Variants in RBFOX1 observed in about 807,000 individuals in gnomAD.
RBFOX1 encodes RNA binding protein fox-1 homolog 1.
Under a neutral mutation model 57.7 loss-of-function variants are expected in RBFOX1, and 8 were observed. The ratio of observed to expected loss-of-function variants is 0.14; its 90% CI spans 0.08 to 0.25. The LOEUF is 0.25. RBFOX1 is among the 10% of genes least tolerant of loss of function. The probability of loss-of-function intolerance (pLI) is 1.00; values close to 1 mark genes in which losing one functional copy is unlikely to be tolerated. For missense variants in RBFOX1, 611 were observed against 548.5 expected, an observed-to-expected ratio of 1.11 and a Z score of -1.14; for synonymous variants, 326 against 222.4, an observed-to-expected ratio of 1.47 and a Z score of -4.15.
At chr16:6,184,473 C>T (rs2097091992) in intron 1 of RBFOX1, among the ~76,000 whole-genome samples, 1 of 152,076 alleles carries the variant, frequency 6.6e-6, no homozygotes, top group Non-Finnish European at 1.5e-5. Flanking sequence ...ATTTCCAAAG[C>T]AAAGACTATA....
intron 3 of RBFOX1, among the ~76,000 whole-genome samples, chr16:6,988,761 T>TG (rs1380485971): frequency 2.0e-5 from 3 of 149,314 alleles, no homozygotes; most frequent in Admixed American, 6.7e-5. Flanking sequence ...GTTTTTTGTT[T>TG]TTTGTTTTTT....
At chr16:5,840,491 A>G (rs2056592373) in intron 3 of RBFOX1, among the ~76,000 whole-genome samples, 1 of 152,034 alleles carries the variant, frequency 6.6e-6, no homozygotes, top group Admixed American at 6.6e-5. Context: ...CTGGCTCTAC[A>G]CCTCTCCTGT....
At chr16:5,380,199 C>G (rs957167301) in intron 1 of RBFOX1, among the ~76,000 whole-genome samples, 1 of 152,222 alleles carries the variant, frequency 6.6e-6, no homozygotes, top group African/African-American at 2.4e-5. Flanking sequence ...CCTGGCTGCT[C>G]AGCTTCCTCC....
chr16:6,543,156 C>G (rs779818425), intron 2 of RBFOX1, among the ~76,000 whole-genome samples: 2 of 152,276 alleles, frequency 1.3e-5, no homozygotes, highest in Non-Finnish European at 1.5e-5. Context: ...CATTTGTACC[C>G]CATCCCTTAG....
rs552457182 is a variant in RBFOX1, at chr16:5,747,431, G to A, written c.319-119872G>A. Among the ~76,000 whole-genome samples, 577 of 152,216 alleles carry A rather than the reference G, an allele frequency of 3.8e-3. 3 individuals are homozygous for A. Among genetic ancestry groups the A allele is most frequent in the African/African-American group, 6.9e-3 (287 of 41,534 alleles). On this transcript the variant is annotated intron_variant, in intron 3 of 19. Coordinates refer to the RBFOX1 transcript ENST00000641259. ...GTTAGGGAGGATTCCCTCTTTTTCT[G>A]TTGATTGGACTAGTTTCGGAAGGAA...
chr16:6,461,112 G>C (rs1047713780), intron 2 of RBFOX1, among the ~76,000 whole-genome samples: 4 of 152,130 alleles, frequency 2.6e-5, no homozygotes, highest in African/African-American at 9.7e-5. Flanking sequence ...GGGAGAGGGT[G>C]GGGGGAAGAA....
intron 1 of RBFOX1, among the ~76,000 whole-genome samples, chr16:6,021,526 A>G (rs1355252852): frequency 6.6e-6 from 1 of 152,282 alleles, no homozygotes; most frequent in East Asian, 1.9e-4. Context: ...TGCTGGTAAA[A>G]AGTGGGGCTG....
intron 6 of RBFOX1, among the ~76,000 whole-genome samples, chr16:7,581,816 T>A (rs766581318): frequency 2.0e-5 from 3 of 151,998 alleles, no homozygotes; most frequent in Admixed American, 6.6e-5. Context: ...GCTCAAGGGA[T>A]CCTCCCACCT....
At chr16:7,659,000 C>G (rs1018306021) in intron 12 of RBFOX1, among the ~76,000 whole-genome samples, 5 of 152,216 alleles carry the variant, frequency 3.3e-5, no homozygotes, top group African/African-American at 1.2e-4. Context: ...GCTGGGATTA[C>G]AGGCATGTGC....
chr16:6,274,689 T>C (rs898723014), intron 1 of RBFOX1, among the ~76,000 whole-genome samples: 1 of 152,198 alleles, frequency 6.6e-6, no homozygotes, highest in African/African-American at 2.4e-5. Context: ...TGGGAGGAAC[T>C]AGGTAACTAC....
chr16:7,580,236 G>A lies in RBFOX1; in HGVS notation c.414+316G>A, dbSNP rs140201004. ...CCTATTGATGGTCCTAAATCCAATG[G>A]CCCAGGACATCATACTGCAGCAAAA... On this transcript the variant is annotated intron_variant, in intron 6 of 15. Transcript: ENST00000550418. Among the ~76,000 whole-genome samples, 40 of 152,126 alleles carry A rather than the reference G, an allele frequency of 2.6e-4. No homozygotes were observed. In the East Asian group the frequency reaches 5.4e-3, roughly 21 times the overall value.
At chr16:6,051,237 T>C (rs534855133) in intron 1 of RBFOX1, among the ~76,000 whole-genome samples, 32 of 151,698 alleles carry the variant, frequency 2.1e-4, no homozygotes, top group Non-Finnish European at 4.1e-4. Context: ...TATCATCTGT[T>C]CCCCCAAAAA....
intron 4 of RBFOX1, among the ~76,000 whole-genome samples, chr16:7,117,319 T>G (rs1395000871): frequency 6.6e-6 from 1 of 152,178 alleles, no homozygotes; most frequent in Non-Finnish European, 1.5e-5. Flanking sequence ...AGAATACTTT[T>G]GATTCGGTGG....
At chr16:7,447,595 T>G (rs2098819011) in intron 4 of RBFOX1, among the ~76,000 whole-genome samples, 1 of 152,182 alleles carries the variant, frequency 6.6e-6, no homozygotes, top group South Asian at 2.1e-4. Flanking sequence ...GTTGAAACTT[T>G]GCAGTAATAA....
intron 1 of RBFOX1, among the ~76,000 whole-genome samples, chr16:6,063,506 C>CACACACA (rs780793142): frequency 9.4e-5 from 4 of 42,518 alleles, no homozygotes; most frequent in African/African-American, 2.6e-4. Flanking sequence ...CACACACACA[C>CACACACA]CCCCTTATAT....
chr16:7,424,727 C>T (rs1339215917), intron 4 of RBFOX1, among the ~76,000 whole-genome samples: 1 of 152,336 alleles, frequency 6.6e-6, no homozygotes, highest in East Asian at 1.9e-4. Flanking sequence ...TCAGCTTTGA[C>T]AGTTTGGGAT....
intron 4 of RBFOX1, among the ~76,000 whole-genome samples, chr16:7,206,889 A>C (rs143918977): frequency 6.6e-6 from 1 of 152,168 alleles, no homozygotes; most frequent in Admixed American, 6.5e-5. Context: ...AACCGTCTTA[A>C]CTTGAAACAG....
intron 1 of RBFOX1, among the ~76,000 whole-genome samples, chr16:6,214,073 G>A (rs530539659): frequency 2.0e-5 from 3 of 152,268 alleles, no homozygotes; most frequent in African/African-American, 7.2e-5. Flanking sequence ...ACTCAAATAA[G>A]TGTTTCTTTC....
At chr16:7,061,059 C>G (rs1256727908) in intron 4 of RBFOX1, among the ~76,000 whole-genome samples, 1 of 151,736 alleles carries the variant, frequency 6.6e-6, no homozygotes, top group African/African-American at 2.4e-5. Context: ...TGCACACATA[C>G]AAGGAAAAAA....
Sources: allele counts gnomAD v4.1 joint callset (sites outside exome capture counted in the v4.1 genomes callset), GRCh38; gene constraint gnomAD v4.1.1; transcripts MANE v1.5; gene names NCBI Gene and HGNC (gene_info 2026-07-23, HGNC 2026-07-21).